DIS3L2: variants seen among roughly 807,000 people sequenced by gnomAD.
DIS3L2 encodes DIS3-like exonuclease 2.
DIS3L2 carries 34 observed loss-of-function variants against 97.5 expected under a neutral mutation model. That is an observed-to-expected ratio of 0.35 (90% CI 0.27 to 0.46). DIS3L2 has a LOEUF of 0.46. Ranked by LOEUF, DIS3L2 falls within the 20% of genes least tolerant of loss-of-function variation. The pLI, the probability that DIS3L2 is intolerant of heterozygous loss-of-function variation, is 1.00. For synonymous variants in DIS3L2, 435 were observed against 445.2 expected (o/e 0.98, Z 0.29); for missense variants, 1,038 against 1,146.0 (o/e 0.91, Z 1.36).
At chr2:231,982,632 A>T (rs1209615017) in intron 1 of DIS3L2, among the ~76,000 whole-genome samples, 2 of 151,078 alleles carry the variant, frequency 1.3e-5, no homozygotes, top group Non-Finnish European at 2.9e-5. Context: ...CCTTTATCAT[A>T]TACTAAATAA....
At chr2:232,272,301 C>T (rs1411717987) in intron 13 of DIS3L2, among the ~76,000 whole-genome samples, 1 of 152,148 alleles carries the variant, frequency 6.6e-6, no homozygotes, top group Non-Finnish European at 1.5e-5. Flanking sequence ...CCTTAGGCAG[C>T]AGAAGACAAA....
rs564977541 is a variant in DIS3L2 at position 232,293,570 on chromosome 2, G to C, written c.1660-6470G>C. Among the ~76,000 whole-genome samples the C allele has an allele frequency of 1.3e-5, 2 of 152,168 alleles. No homozygotes were observed. The highest frequency in any genetic ancestry group is 3.9e-4 in the East Asian group (2 of 5,180). ...TCTGAACCCCTCAGGGAAGTGGACC[G>C]CGTCGGGGAGTGCATGGAGCTCTGC... On this transcript the variant is annotated intron_variant, in intron 13 of 20. Transcript: ENST00000325385. This position sits in a 1 kb window ranked among gnomAD's most constrained non-coding sequence, Gnocchi z 4.6.
intron 1 of DIS3L2, among the ~76,000 whole-genome samples, chr2:231,962,268 TAGAG>T (rs746958915): frequency 2.3e-5 from 3 of 128,008 alleles, no homozygotes; most frequent in Non-Finnish European, 4.8e-5. Flanking sequence ...TTATTGATCA[TAGAG>T]AGTTTTTTTT....
intron 1 of DIS3L2, among the ~76,000 whole-genome samples, chr2:231,964,474 A>G (rs1411923290): frequency 6.6e-6 from 1 of 152,242 alleles, no homozygotes; most frequent in Non-Finnish European, 1.5e-5. Context: ...CTTACACTTC[A>G]GAAGACACTA....
At chr2:232,195,258 C>G (rs981611861) in intron 9 of DIS3L2, among the ~76,000 whole-genome samples, 9 of 152,176 alleles carry the variant, frequency 5.9e-5, no homozygotes, top group African/African-American at 2.2e-4. Flanking sequence ...GTTTTTGAGA[C>G]ACTGTAACAG....
In DIS3L2 at chr2:232,163,901, A is replaced by T. The variant is rs723317; in HGVS notation, c.1124+269A>T. On this transcript the variant is annotated intron_variant, in intron 9 of 20. Transcript: ENST00000325385. ...ACAAGAATAATGTTTTATGAAAATTATATGAAATTCAGATTTCTGCGACCA... is the reference window on the plus strand; with the variant it reads ...ACAAGAATAATGTTTTATGAAAATTTTATGAAATTCAGATTTCTGCGACCA... Among the ~76,000 whole-genome samples the T allele has an allele frequency of 0.74, 113,299 of 152,148 alleles. 42,503 individuals carry two copies. The highest frequency in any genetic ancestry group is 0.79 in the African/African-American group (32,750 of 41,504).
chr2:231,982,932 G>A (rs769554690), intron 1 of DIS3L2, among the ~76,000 whole-genome samples: 31 of 152,062 alleles, frequency 2.0e-4, no homozygotes, highest in Non-Finnish European at 3.5e-4. Context: ...CACCCACCTC[G>A]GCCTCGCAAA....
intron 9 of DIS3L2, among the ~76,000 whole-genome samples, chr2:232,190,648 A>G (rs1038980622): frequency 1.3e-5 from 2 of 150,402 alleles, no homozygotes; most frequent in Non-Finnish European, 3.0e-5. Flanking sequence ...GAAAGAGAGA[A>G]AGAAAGAAGG....
chr2:232,182,738 GCT>G (rs779779451), intron 9 of DIS3L2, among the ~76,000 whole-genome samples: 55 of 152,096 alleles, frequency 3.6e-4, no homozygotes, highest in Non-Finnish European at 7.6e-4. Context: ...GGCTACTCCA[GCT>G]CTCTTTTGTT....
chr2:231,966,572 T>A (rs540302262), intron 1 of DIS3L2, among the ~76,000 whole-genome samples: 1 of 150,710 alleles, frequency 6.6e-6, no homozygotes, highest in African/African-American at 2.4e-5. Context: ...TCGAGTGATC[T>A]TCCCACCTGA....
intron 8 of DIS3L2, among the ~76,000 whole-genome samples, chr2:232,160,964 C>A (rs1185831786): frequency 6.6e-6 from 1 of 152,204 alleles, no homozygotes; most frequent in Non-Finnish European, 1.5e-5. Context: ...GTTGCCCAGG[C>A]TGGAGTACAG....
intron 20 of DIS3L2, 132 bp from the exon 21 acceptor site, chr2:232,336,337 T>G: frequency 6.5e-7 from 1 of 1,546,952 alleles, no homozygotes; most frequent in South Asian, 1.2e-5. Context: ...GGGCCCCCAT[T>G]ACAGACAGGC....
chr2:232,091,851 A>G (rs1057478313), intron 6 of DIS3L2, among the ~76,000 whole-genome samples: 3 of 152,146 alleles, frequency 2.0e-5, no homozygotes, highest in African/African-American at 7.2e-5. Context: ...TTTAACCAGG[A>G]TGAGATGATA....
chr2:232,192,996 T>G (rs1164117091), intron 9 of DIS3L2, among the ~76,000 whole-genome samples: 1 of 152,188 alleles, frequency 6.6e-6, no homozygotes, highest in East Asian at 1.9e-4. Context: ...GACTAGCTCC[T>G]TTGCTTCCTC....
downstream of DIS3L2, among the ~76,000 whole-genome samples, chr2:232,341,904 G>A (rs1213967577): frequency 6.6e-6 from 1 of 152,220 alleles, no homozygotes; most frequent in East Asian, 1.9e-4. Context: ...CCCACAGCCA[G>A]CACCAGTTGG....
chr2:232,325,173 T>A lies in DIS3L2; in HGVS notation c.1740-4640T>A, dbSNP rs1299168912. On this transcript the variant is annotated intron_variant, in intron 14 of 20. Transcript: ENST00000325385. This position sits in a 1 kb window ranked among gnomAD's most constrained non-coding sequence, Gnocchi z 4.6. ...AGCAGCCTTTCCCAGCATCGTCCTT[T>A]AAGATGCGACAGAAACAGGTCCCAC... Among the ~76,000 whole-genome samples the A allele has an allele frequency of 6.6e-6, 1 of 152,178 alleles. No homozygotes were observed. The highest frequency in any genetic ancestry group is 2.4e-5 in the African/African-American group (1 of 41,450).
chr2:231,962,156 G>A (rs1473256034), intron 1 of DIS3L2, among the ~76,000 whole-genome samples: 3 of 152,216 alleles, frequency 2.0e-5, no homozygotes, highest in African/African-American at 7.2e-5. Context: ...AGATGTTCAG[G>A]ACTGGCAGGG....
intron 9 of DIS3L2, among the ~76,000 whole-genome samples, chr2:232,192,773 CATTA>C (rs1035723045): frequency 9.2e-5 from 14 of 152,172 alleles, no homozygotes; most frequent in African/African-American, 2.9e-4. Flanking sequence ...ACAGCTGTTG[CATTA>C]ATTAAGACTT....
intron 5 of DIS3L2, among the ~76,000 whole-genome samples, chr2:232,030,852 G>A (rs928772325): frequency 6.6e-5 from 10 of 151,720 alleles, no homozygotes; most frequent in African/African-American, 9.7e-5. Flanking sequence ...TCAATAATAC[G>A]TGTTATAGAT....
Sources: gnomAD v4.1 joint callset for allele counts (sites outside exome capture counted in the v4.1 genomes callset) on GRCh38, gnomAD v4.1.1 for gene constraint, Gnocchi (gnomAD v3.1) non-coding constraint, MANE v1.5 for transcripts, NCBI Gene and HGNC (gene_info 2026-07-23, HGNC 2026-07-21) for gene names.